CTNNB1: variants seen among roughly 807,000 people sequenced by gnomAD.
CTNNB1 encodes catenin beta 1.
CTNNB1 carries 6 observed loss-of-function variants against 82.5 expected under a neutral mutation model. The observed-to-expected ratio is 0.07, with a 90% CI of 0.04 to 0.14. The LOEUF (loss-of-function observed/expected upper bound fraction) is 0.14, where lower values mean the gene tolerates loss of function less well. CTNNB1 is among the 10% of genes least tolerant of loss of function. The pLI, the probability that CTNNB1 is intolerant of heterozygous loss-of-function variation, is 1.00. For missense variants in CTNNB1, 529 were observed against 980.4 expected (o/e 0.54, Z 6.15); for synonymous variants, 312 against 329.7 (o/e 0.95, Z 0.58).
intron 7 of CTNNB1, among the ~76,000 whole-genome samples, chr3:41,231,326 C>CCA (rs2078303442): frequency 7.4e-6 from 1 of 135,032 alleles, no homozygotes; most frequent in South Asian, 2.4e-4. Flanking sequence ...GACTCTATCT[C>CCA]AAAAAAAAAA....
intron 1 of CTNNB1, among the ~76,000 whole-genome samples, chr3:41,220,333 G>A (rs548524983): frequency 6.6e-6 from 1 of 152,044 alleles, no homozygotes; most frequent in South Asian, 2.1e-4. Context: ...TTTGATGTTT[G>A]ATGCTTATTG....
chr3:41,215,648 C>T (rs1301465610), intron 1 of CTNNB1, among the ~76,000 whole-genome samples: 1 of 151,954 alleles, frequency 6.6e-6, no homozygotes, highest in Non-Finnish European at 1.5e-5. Flanking sequence ...AAAAGGTCAG[C>T]GTGCTGGTAT....
At chr3:41,231,044 T>C (rs1031114697) in intron 7 of CTNNB1, among the ~76,000 whole-genome samples, 2 of 152,096 alleles carry the variant, frequency 1.3e-5, no homozygotes, top group Admixed American at 1.3e-4. Context: ...AGGAAAGAGA[T>C]TGGTCAGGCA....
At chr3:41,211,986 G>C (rs1452061222) in intron 1 of CTNNB1, among the ~76,000 whole-genome samples, 1 of 152,154 alleles carries the variant, frequency 6.6e-6, no homozygotes, top group East Asian at 1.9e-4. Context: ...TTCAGTAAAA[G>C]CTCAAGCTCC....
chr3:41,206,248 C>G (rs1361693778), intron 1 of CTNNB1, among the ~76,000 whole-genome samples: 1 of 151,964 alleles, frequency 6.6e-6, no homozygotes, highest in Non-Finnish European at 1.5e-5. Flanking sequence ...TAAGTTAGTT[C>G]AAGTTAATCA....
chr3:41,236,037 T>C (rs1299859771), intron 11 of CTNNB1, 194 bp downstream of exon 11: 6 of 758,978 alleles, frequency 7.9e-6, no homozygotes, highest in Admixed American at 7.1e-5. Context: ...CATTTCACTT[T>C]TATGGGTGCC....
At position 41,239,179 on chromosome 3, in the gene CTNNB1, C is replaced by G. The variant is rs745670329; in HGVS notation, c.2183C>G (p.Ala728Gly). Residue 728 changes from alanine (A) to glycine (G), a missense_variant, in exon 15 of 15, where the codon GCC (alanine) becomes GGC (glycine). Physicochemically the swap from Ala to Gly is moderately conservative, Grantham distance 60. Coordinates refer to ENST00000349496, the MANE Select transcript of CTNNB1 (RefSeq NM_001904.4). ...CACTCTGGTGGATATGGCCAGGATG[C>G]CTTGGGTATGGACCCCATGATGGAA... is the stretch of plus-strand genomic sequence containing the variant. The part of the protein sequence containing the change: ...SFHSGGYGQD[A>G]LGMDPMMEHE... 1.5e-5 allele frequency: 24 copies of G among 1,614,160 alleles called. No individual in the cohort carries two copies. The South Asian group carries it at 1.6e-4, about 11-fold the overall frequency.
chr3:41,232,844 C>G (rs954483116), intron 7 of CTNNB1, among the ~76,000 whole-genome samples: 1 of 152,068 alleles, frequency 6.6e-6, no homozygotes, highest in African/African-American at 2.4e-5. Context: ...ATCGCAGCCC[C>G]ACTCCATTAT....
rs374853593 is a variant in CTNNB1 at position 41,236,634 on chromosome 3, A to G, written c.2001A>G (p.Pro667=). 38 of 1,614,230 alleles carry G rather than the reference A, an allele frequency of 2.4e-5. No homozygotes were observed. Among genetic ancestry groups the G allele is most frequent in the African/African-American group, 2.0e-4 (15 of 75,060 alleles). The part of the protein sequence containing the change: ...AVLFRMSEDK[P]QDYKKRLSVE... ...TGTTCCGAATGTCTGAGGACAAGCC[A>G]CAAGATTACAAGAAACGGCTTTCAG... The change falls in exon 13 of 15, where the codon CCA becomes CCG. Residue 667 remains proline, a synonymous_variant. Transcript: ENST00000349496.
At chr3:41,201,391 C>T (rs2077526679) in intron 1 of CTNNB1, among the ~76,000 whole-genome samples, 1 of 152,112 alleles carries the variant, frequency 6.6e-6, no homozygotes, top group Admixed American at 6.5e-5. Context: ...GATGTCCTTT[C>T]ACACCAGACA....
At chr3:41,199,965 G>T (rs2077485247) in intron 1 of CTNNB1, 1 of 148,426 alleles carries the variant, frequency 6.7e-6, no homozygotes, top group Non-Finnish European at 1.5e-5. Context: ...GGCGGGGTGG[G>T]GGTGGGGGTG....
At chr3:41,232,805 C>T (rs2078341337) in intron 7 of CTNNB1, among the ~76,000 whole-genome samples, 2 of 152,140 alleles carry the variant, frequency 1.3e-5, no homozygotes, top group Admixed American at 6.5e-5. Flanking sequence ...GTCACCTTCA[C>T]AGTGAGGTGA....
At chr3:41,224,304 C>A in intron 2 of CTNNB1, 1 of 698,274 alleles carries the variant, frequency 1.4e-6, no homozygotes, top group Non-Finnish European at 2.5e-6. Flanking sequence ...GATGCAGTAC[C>A]ATTCTTCCAC....
At chr3:41,235,151 C>A (rs538256361) in intron 10 of CTNNB1, 1 of 155,568 alleles carries the variant, frequency 6.4e-6, no homozygotes, top group East Asian at 1.9e-4. Context: ...AGAATAATAA[C>A]CCCTTTTAAA....
At chr3:41,232,847 T>C (rs1201543330) in intron 7 of CTNNB1, among the ~76,000 whole-genome samples, 1 of 152,100 alleles carries the variant, frequency 6.6e-6, no homozygotes. Context: ...GCAGCCCCAC[T>C]CCATTATTTT....
chr3:41,202,428 GAC>G (rs1265837198), intron 1 of CTNNB1, among the ~76,000 whole-genome samples: 5 of 152,172 alleles, frequency 3.3e-5, no homozygotes. Flanking sequence ...GTTGATTTGT[GAC>G]ATTGTTTTTG....
In CTNNB1 at chr3:41,225,056, A is replaced by C. The variant is rs1337182887; in HGVS notation, c.344A>C (p.Asp115Ala). The change falls in exon 4 of 15, where the codon GAT becomes GCT. Residue 115 changes from aspartate to alanine, a missense_variant. Around this residue, in one of 4 missense-constraint regions of CTNNB1, gnomAD observed 411 missense variants for 776.4 expected, o/e 0.53. Transcript: ENST00000349496. The surrounding 1 kb of genome is among the most constrained non-coding windows in gnomAD (Gnocchi z 5.3). Reference protein sequence around the residue: ...EGMQIPSTQFDAAHPTNVQRL... With the variant: ...EGMQIPSTQFAAAHPTNVQRL... ...ATGCAGATCCCATCTACACAGTTTG[A>C]TGCTGCTCATCCCACTAATGTCCAG... 3.1e-6 allele frequency: 5 copies of C among 1,614,090 alleles called. No individual in the cohort carries two copies. Among genetic ancestry groups the C allele is most frequent in the Non-Finnish European group, 4.2e-6 (5 of 1,179,988 alleles).
At chr3:41,202,505 G>T (rs996449790) in intron 1 of CTNNB1, among the ~76,000 whole-genome samples, 6 of 152,266 alleles carry the variant, frequency 3.9e-5, no homozygotes, top group Non-Finnish European at 8.8e-5. Flanking sequence ...ATCTATTGTT[G>T]AAACTGCTTG....
chr3:41,223,914 G>A (rs1395580706), intron 1 of CTNNB1, 107 bp from the exon 2 acceptor site: 3 of 807,340 alleles, frequency 3.7e-6, no homozygotes, highest in South Asian at 3.2e-5. Context: ...GAGGATATGG[G>A]TTTTTTTTGT....
Sources: gnomAD v4.1 joint callset for allele counts (sites outside exome capture counted in the v4.1 genomes callset) on GRCh38, gnomAD v4.1.1 for gene constraint, gnomAD v4.1.1 regional missense constraint, Gnocchi (gnomAD v3.1) non-coding constraint, MANE v1.5 for transcripts, NCBI Gene and HGNC (gene_info 2026-07-23, HGNC 2026-07-21) for gene names.